The following RORB variants were observed in gnomAD, a reference collection of about 807,000 sequenced individuals.
RORB encodes the protein RAR related orphan receptor B.
A neutral mutation model predicts 59.1 loss-of-function variants in RORB; 6 were observed. The ratio of observed to expected loss-of-function variants is 0.10; its 90% CI spans 0.06 to 0.20. The LOEUF (loss-of-function observed/expected upper bound fraction) is 0.20, where lower values mean the gene tolerates loss of function less well. Ranked by LOEUF, RORB falls within the 10% of genes least tolerant of loss-of-function variation. The pLI, the probability that RORB is intolerant of heterozygous loss-of-function variation, is 1.00. For synonymous variants in RORB, 215 were observed against 204.5 expected, an observed-to-expected ratio of 1.05 and a Z score of -0.44; for missense variants, 320 against 560.5, an observed-to-expected ratio of 0.57 and a Z score of 4.33.
intron 9 of RORB, among the ~76,000 whole-genome samples, chr9:74,674,620 C>T (rs1250562531): frequency 6.6e-6 from 1 of 152,174 alleles, no homozygotes; most frequent in African/African-American, 2.4e-5. Context: ...GGTAGCAGTG[C>T]CTTCTACTTT....
At chr9:74,612,641 G>C (rs1287284800) in intron 1 of RORB, among the ~76,000 whole-genome samples, 3 of 152,048 alleles carry the variant, frequency 2.0e-5, no homozygotes, top group Non-Finnish European at 4.4e-5. Flanking sequence ...GCGGGAGCTG[G>C]ATTTTTATCA....
intron 1 of RORB, among the ~76,000 whole-genome samples, chr9:74,610,821 A>G (rs1823222328): frequency 6.6e-6 from 1 of 152,178 alleles, no homozygotes; most frequent in Non-Finnish European, 1.5e-5. Context: ...GAACACATAG[A>G]TTGTTGAGCT....
rs757281026 is a variant in RORB at position 74,634,690 on chromosome 9, C to T, written c.153C>T (p.Asn51=). ...NASYSCPRQR[N]CLIDRTNRNR... The stretch of plus-strand genomic sequence containing the variant: ...CTTATTCCTGCCCAAGGCAGAGAAA[C>T]TGTTTAATTGACAGAACGAACAGAA... Residue 51 remains asparagine (N), a synonymous_variant, in exon 3 of 10, where the codon AAC becomes AAT. Transcript: ENST00000376896. 5.0e-6 allele frequency: 8 copies of T among 1,613,518 alleles called. No individual in the cohort carries two copies. The South Asian group carries it at 7.7e-5, about 16-fold the overall frequency.
chr9:74,501,124 G>A (rs1206199588), intron 1 of RORB, among the ~76,000 whole-genome samples: 1 of 152,084 alleles, frequency 6.6e-6, no homozygotes, highest in Non-Finnish European at 1.5e-5. Flanking sequence ...TTTCAGTCCT[G>A]CCTCCACGGA....
At position 74,597,713 on chromosome 9, in the gene RORB, C is replaced by T. The variant is rs151332380; in HGVS notation, c.8-32569C>T. On this transcript the variant is annotated intron_variant, in intron 1 of 9. Coordinates refer to ENST00000376896, the MANE Select transcript of RORB (RefSeq NM_006914.4). Reference sequence around the variant, plus strand: ...GTGGCTCATGCCTGTAATCCCAGCACTTTGGGAGACCGAGGCGGGCAGATC... The same window carrying T: ...GTGGCTCATGCCTGTAATCCCAGCATTTTGGGAGACCGAGGCGGGCAGATC... Among the ~76,000 whole-genome samples, 1,210 of 152,186 alleles carry T rather than the reference C, an allele frequency of 8.0e-3. 50 individuals are homozygous for T. Among genetic ancestry groups the T allele is most frequent in the Admixed American group, 0.074 (1,132 of 15,288 alleles).
chr9:74,582,777 A>T (rs941416843), intron 1 of RORB, among the ~76,000 whole-genome samples: 3 of 152,080 alleles, frequency 2.0e-5, no homozygotes, highest in Admixed American at 1.3e-4. Flanking sequence ...TCTATTATCT[A>T]CCCAAGCCTC....
chr9:74,545,177 T>A (rs777438200), intron 1 of RORB, among the ~76,000 whole-genome samples: 10 of 151,506 alleles, frequency 6.6e-5, no homozygotes, highest in Non-Finnish European at 1.2e-4. Context: ...TCTAGTTAAC[T>A]AGTGTTAAGT....
intron 1 of RORB, among the ~76,000 whole-genome samples, chr9:74,576,763 T>G (rs1278144778): frequency 6.6e-6 from 1 of 152,104 alleles, no homozygotes; most frequent in Admixed American, 6.6e-5. Context: ...TCCAAAAGCC[T>G]TTTTTAAAGA....
chr9:74,545,851 C>T (rs569044527), intron 1 of RORB, among the ~76,000 whole-genome samples: 1 of 152,020 alleles, frequency 6.6e-6, no homozygotes, highest in Non-Finnish European at 1.5e-5. Context: ...TTGGCATAAG[C>T]CAATAATTGA....
intron 1 of RORB, among the ~76,000 whole-genome samples, chr9:74,624,372 C>T (rs571718837): frequency 6.6e-6 from 1 of 152,274 alleles, no homozygotes; most frequent in South Asian, 2.1e-4. Context: ...TATATTTAGA[C>T]AGGAAGCTGA....
At chr9:74,608,392 C>T (rs567827332) in intron 1 of RORB, among the ~76,000 whole-genome samples, 117 of 151,982 alleles carry the variant, frequency 7.7e-4, no homozygotes, top group Non-Finnish European at 1.3e-3. Context: ...GCTGAAACCC[C>T]GTCTCTACTA....
intron 1 of RORB, among the ~76,000 whole-genome samples, chr9:74,563,551 T>C (rs1822429532): frequency 6.6e-6 from 1 of 152,206 alleles, no homozygotes; most frequent in Non-Finnish European, 1.5e-5. Flanking sequence ...CATTTTAAAA[T>C]GTAAAGGCCA....
intron 2 of RORB, among the ~76,000 whole-genome samples, chr9:74,632,154 T>G (rs1823628854): frequency 6.6e-6 from 1 of 152,100 alleles, no homozygotes; most frequent in Non-Finnish European, 1.5e-5. Context: ...AGCAAAATAT[T>G]TTAAACAGTA....
At chr9:74,685,310 A>C (rs1824622364) in intron 9 of RORB, among the ~76,000 whole-genome samples, 153 bp from the exon 10 acceptor site, 1 of 152,020 alleles carries the variant, frequency 6.6e-6, no homozygotes, top group African/African-American at 2.4e-5. Context: ...GTTTTGTTGT[A>C]AGAGAAAAGC....
At position 74,533,859 on chromosome 9, in the gene RORB, A is replaced by G. The variant is rs140136585; in HGVS notation, c.7+35876A>G. On this transcript the variant is annotated intron_variant, in intron 1 of 9. Coordinates refer to ENST00000376896, the MANE Select transcript of RORB (RefSeq NM_006914.4). ...CTCTTACTGAAAAGTTAAAAAGTTA[A>G]TGACATTCTTGAAAAAAACTTGTGC... is the stretch of plus-strand genomic sequence containing the variant. Among the ~76,000 whole-genome samples, 395 of 152,114 alleles carry G rather than the reference A, an allele frequency of 2.6e-3. 1 individual carries two copies. The highest frequency in any genetic ancestry group is 4.3e-3 in the Non-Finnish European group (295 of 67,938).
intron 9 of RORB, among the ~76,000 whole-genome samples, chr9:74,679,364 A>G (rs1824503756): frequency 6.6e-6 from 1 of 152,238 alleles, no homozygotes; most frequent in African/African-American, 2.4e-5. Flanking sequence ...CAAAGTTAGC[A>G]TACCCGTGTG....
chr9:74,596,454 G>A (rs1822972445), intron 1 of RORB, among the ~76,000 whole-genome samples: 1 of 152,146 alleles, frequency 6.6e-6, no homozygotes, highest in South Asian at 2.1e-4. Flanking sequence ...ATTGTGTGTC[G>A]TGGCCTCCTT....
intron 3 of RORB, among the ~76,000 whole-genome samples, chr9:74,637,164 A>G (rs1373501476): frequency 6.6e-6 from 1 of 152,158 alleles, no homozygotes; most frequent in East Asian, 1.9e-4. Context: ...CCTCATACCT[A>G]ACTGCTTTCT....
At position 74,632,133 on chromosome 9, in the gene RORB, T is replaced by C. The variant is rs561062539; in HGVS notation, c.93+1766T>C. ...GTGATTTCAAAAGATGGGGATATGT[T>C]CAAGTTAAAAAGCAAAATATTTTAA... is the stretch of plus-strand genomic sequence containing the variant. On this transcript the variant is annotated intron_variant, in intron 2 of 9. Coordinates refer to ENST00000376896, the MANE Select transcript of RORB (RefSeq NM_006914.4). Among the ~76,000 whole-genome samples, 10 of 152,266 alleles carry C rather than the reference T, an allele frequency of 6.6e-5. No individual in the cohort carries two copies. In the South Asian group the frequency reaches 2.1e-3, roughly 32 times the overall value.
Sources: allele counts gnomAD v4.1 joint callset (sites outside exome capture counted in the v4.1 genomes callset), GRCh38; gene constraint gnomAD v4.1.1; transcripts MANE v1.5; gene names NCBI Gene and HGNC (gene_info 2026-07-23, HGNC 2026-07-21).